The following EYA4 variants were observed in gnomAD, a reference collection of about 807,000 sequenced individuals.
EYA4 encodes protein phosphatase EYA4.
In EYA4, 31 loss-of-function variants were observed where a neutral mutation model predicts 87.9. The observed-to-expected ratio is 0.35, with a 90% CI of 0.27 to 0.48. EYA4 has a LOEUF of 0.48. EYA4 is among the 20% of genes least tolerant of loss of function. The pLI, the probability that EYA4 is intolerant of heterozygous loss-of-function variation, is 0.99. For synonymous variants in EYA4, 263 were observed against 270.6 expected, an observed-to-expected ratio of 0.97 and a Z score of 0.28; for missense variants, 678 against 761.4, an observed-to-expected ratio of 0.89 and a Z score of 1.29.
chr6:133,256,519 A>G (rs1422738851), intron 1 of EYA4, among the ~76,000 whole-genome samples: 1 of 152,076 alleles, frequency 6.6e-6, no homozygotes, highest in Non-Finnish European at 1.5e-5. Context: ...TTTAACATAG[A>G]GATGAAAGGT....
chr6:133,482,810 G>A (rs1306960827), intron 12 of EYA4, among the ~76,000 whole-genome samples: 2 of 152,096 alleles, frequency 1.3e-5, no homozygotes, highest in Non-Finnish European at 2.9e-5. Context: ...ATTTATTCAA[G>A]CGAGGACATC....
intron 3 of EYA4, among the ~76,000 whole-genome samples, chr6:133,394,418 T>G (rs992493087): frequency 2.0e-5 from 3 of 151,212 alleles, no homozygotes; most frequent in African/African-American, 7.3e-5. Context: ...AATACAGGTA[T>G]CTTTAGTTCA....
At chr6:133,274,850 C>A (rs191747564) in intron 2 of EYA4, 37 bp downstream of exon 2, 134 of 1,521,874 alleles carry the variant, frequency 8.8e-5, no homozygotes, top group Non-Finnish European at 1.1e-4. Context: ...AAAAAAGTTG[C>A]GATAACACTA....
chr6:133,385,656 T>G (rs1299489235), intron 3 of EYA4, among the ~76,000 whole-genome samples: 1 of 152,158 alleles, frequency 6.6e-6, no homozygotes, highest in African/African-American at 2.4e-5. Context: ...ATGTTGGTTT[T>G]GGATTTGAAA....
At chr6:133,426,682 T>C (rs1239253238) in intron 3 of EYA4, among the ~76,000 whole-genome samples, 1 of 152,196 alleles carries the variant, frequency 6.6e-6, no homozygotes, top group Non-Finnish European at 1.5e-5. Context: ...CCATTTCAGC[T>C]AACCCATTCT....
intron 2 of EYA4, among the ~76,000 whole-genome samples, chr6:133,338,703 G>A (rs1782559074): frequency 6.6e-6 from 1 of 152,140 alleles, no homozygotes; most frequent in African/African-American, 2.4e-5. Context: ...GAAACATCAT[G>A]GCAGCCCCAG....
intron 13 of EYA4, chr6:133,502,269 T>G (rs2128751128): frequency 6.6e-6 from 1 of 152,260 alleles, no homozygotes; most frequent in Non-Finnish European, 1.5e-5. Context: ...AGTGCCTTTA[T>G]TATCCCACTT....
At chr6:133,524,402 T>C (rs1562519360) in intron 18 of EYA4, among the ~76,000 whole-genome samples, 1 of 152,190 alleles carries the variant, frequency 6.6e-6, no homozygotes, top group Admixed American at 6.6e-5. Flanking sequence ...ATGAACATTC[T>C]GGGAGTGAAA....
chr6:133,428,863 A>G (rs1280714440), intron 3 of EYA4, among the ~76,000 whole-genome samples: 2 of 145,212 alleles, frequency 1.4e-5, no homozygotes, highest in East Asian at 2.2e-4. Flanking sequence ...ATTAATTTAG[A>G]TTAAGAATTA....
intron 13 of EYA4, chr6:133,502,183 T>C (rs1295622127): frequency 6.6e-6 from 1 of 152,156 alleles, no homozygotes. Flanking sequence ...TATTAAACTC[T>C]GTTGTAGACA....
At chr6:133,357,115 CA>C (rs1384252952) in intron 2 of EYA4, among the ~76,000 whole-genome samples, 2 of 151,476 alleles carry the variant, frequency 1.3e-5, no homozygotes, top group Non-Finnish European at 2.9e-5. Context: ...ACTAAAAATA[CA>C]AAAAATTAGC....
intron 11 of EYA4, among the ~76,000 whole-genome samples, chr6:133,474,153 A>G (rs1433626153): frequency 6.6e-6 from 1 of 151,844 alleles, no homozygotes; most frequent in Non-Finnish European, 1.5e-5. Flanking sequence ...AGACTGAATG[A>G]TGGACAAGAC....
At chr6:133,286,311 G>GCA (rs1332573291) in intron 2 of EYA4, among the ~76,000 whole-genome samples, 1 of 152,222 alleles carries the variant, frequency 6.6e-6, no homozygotes, top group African/African-American at 2.4e-5. Context: ...TGCATCAGAT[G>GCA]TAACCATTGG....
Position 133,530,024 on chromosome 6 carries a change from C to G in EYA4, c.*1219C>G. The G allele has an allele frequency of 2.0e-6, 2 of 985,032 alleles. No individual in the cohort carries two copies. Among genetic ancestry groups the G allele is most frequent in the African/African-American group, 3.5e-5 (2 of 57,346 alleles). The allele number at this position is 985,032 out of a possible 1,614,324, so 61.0% of individuals were successfully genotyped here. On this transcript the variant is annotated 3_prime_UTR_variant, in exon 20 of 20. Transcript: ENST00000355286. ...AAATAAAGCTAAGTATGTTTATTCC[C>G]AATGCCATGGCAAAAATGATAATAT...
At chr6:133,246,195 T>C (rs118101378) in intron 1 of EYA4, among the ~76,000 whole-genome samples, 2 of 152,326 alleles carry the variant, frequency 1.3e-5, no homozygotes, top group Non-Finnish European at 2.9e-5. Flanking sequence ...CACAATAGTA[T>C]AGTTTGATAT....
At chr6:133,310,266 T>A (rs943474747) in intron 2 of EYA4, among the ~76,000 whole-genome samples, 2 of 152,190 alleles carry the variant, frequency 1.3e-5, no homozygotes, top group Admixed American at 1.3e-4. Context: ...GCCTTGTTAT[T>A]TCGCATCTGT....
At chr6:133,356,717 T>C (rs868676723) in intron 2 of EYA4, among the ~76,000 whole-genome samples, 2 of 151,802 alleles carry the variant, frequency 1.3e-5, no homozygotes, top group Non-Finnish European at 2.9e-5. Flanking sequence ...TTACTATCTA[T>C]TAGCATTTGA....
chr6:133,309,039 G>A (rs1780020184), intron 2 of EYA4, among the ~76,000 whole-genome samples: 2 of 151,732 alleles, frequency 1.3e-5, no homozygotes, highest in African/African-American at 2.4e-5. Flanking sequence ...TTCTGTAGGT[G>A]GACTAGAATA....
intron 14 of EYA4, among the ~76,000 whole-genome samples, chr6:133,511,246 A>G (rs994270655): frequency 6.6e-6 from 1 of 152,188 alleles, no homozygotes; most frequent in African/African-American, 2.4e-5. Context: ...GATACTTTCA[A>G]GCCCAATAAT....
Sources: gnomAD v4.1 joint callset for allele counts (sites outside exome capture counted in the v4.1 genomes callset) on GRCh38, gnomAD v4.1.1 for gene constraint, MANE v1.5 for transcripts, NCBI Gene and HGNC (gene_info 2026-07-23, HGNC 2026-07-21) for gene names.